Variants in CSMD1 observed in about 807,000 individuals in gnomAD.
CSMD1 encodes the protein CUB and sushi domain-containing protein 1.
In CSMD1, 213 loss-of-function variants were observed where a neutral mutation model predicts 417.5. The ratio of observed to expected loss-of-function variants is 0.51; its 90% confidence interval spans 0.46 to 0.57. The LOEUF is 0.57. Among genes scored for constraint, CSMD1 ranks in the 20% least tolerant of loss-of-function variants. The pLI is 0.00. For synonymous variants in CSMD1, 2,862 were observed against 1,736.8 expected (o/e 1.65, Z -16.11); for missense variants, 6,923 against 4,529.7 (o/e 1.53, Z -15.17).
At chr8:3,375,603 G>C (rs1337751631) in intron 18 of CSMD1, among the ~76,000 whole-genome samples, 1 of 151,830 alleles carries the variant, frequency 6.6e-6, no homozygotes, top group Non-Finnish European at 1.5e-5. Context: ...ATTTATAATA[G>C]AAACTTTCCA....
intron 10 of CSMD1, among the ~76,000 whole-genome samples, chr8:3,500,645 A>G (rs1293013755): frequency 6.6e-6 from 1 of 152,146 alleles, no homozygotes; most frequent in Non-Finnish European, 1.5e-5. Context: ...CCATAAAACT[A>G]AAGATCTTAA....
chr8:3,651,800 C>CAGA (rs1797870858), intron 7 of CSMD1, among the ~76,000 whole-genome samples: 1 of 150,876 alleles, frequency 6.6e-6, no homozygotes, highest in African/African-American at 2.4e-5. Context: ...CCACCACCAT[C>CAGA]GCACTTACCA....
rs192366660 is a variant in CSMD1 at position 3,023,273 on chromosome 8, T to C, written c.7856-4623A>G. On this transcript the variant is annotated intron_variant, in intron 51 of 69. Coordinates refer to ENST00000635120, the MANE Select transcript of CSMD1 (RefSeq NM_033225.6). Reference sequence around the variant, plus strand: ...CATGTTCTTTGAATATCTACAATATTACAAAATTCCAGTGTAGCTCACTGA... The same window carrying C: ...CATGTTCTTTGAATATCTACAATATCACAAAATTCCAGTGTAGCTCACTGA... 1.9e-3 allele frequency among the ~76,000 whole-genome samples: 287 copies of C among 152,320 alleles called. 1 individual carries two copies. The highest frequency in any genetic ancestry group is 6.4e-3 in the African/African-American group (265 of 41,572).
chr8:4,007,826 C>A (rs747357619), intron 4 of CSMD1, among the ~76,000 whole-genome samples: 13 of 152,022 alleles, frequency 8.6e-5, no homozygotes, highest in Non-Finnish European at 1.8e-4. Context: ...CGGAATCAAA[C>A]CATATCCTCT....
intron 1 of CSMD1, among the ~76,000 whole-genome samples, chr8:4,659,677 G>A (rs374335688): frequency 3.3e-5 from 5 of 152,102 alleles, no homozygotes; most frequent in African/African-American, 1.2e-4. Flanking sequence ...TGAGTATGGG[G>A]TTTCCTTTTT....
At chr8:3,133,041 T>C (rs1372553001) in intron 41 of CSMD1, among the ~76,000 whole-genome samples, 1 of 152,206 alleles carries the variant, frequency 6.6e-6, no homozygotes, top group African/African-American at 2.4e-5. Flanking sequence ...GCCTGTCCTA[T>C]GGATACACTG....
chr8:3,576,976 G>C (rs372191171), intron 9 of CSMD1, among the ~76,000 whole-genome samples: 1 of 152,186 alleles, frequency 6.6e-6, no homozygotes. Context: ...TAATTGTGAA[G>C]CAATGTAACC....
chr8:3,233,739 T>C (rs1172244031), intron 26 of CSMD1, among the ~76,000 whole-genome samples: 11 of 152,216 alleles, frequency 7.2e-5, no homozygotes, highest in Admixed American at 3.9e-4. Flanking sequence ...TTTTCACATT[T>C]GTACTTCTGT....
At chr8:3,472,697 C>T (rs940718738) in intron 11 of CSMD1, among the ~76,000 whole-genome samples, 4 of 151,972 alleles carry the variant, frequency 2.6e-5, no homozygotes, top group South Asian at 4.2e-4. Flanking sequence ...TGCCCTAAGT[C>T]GTCATCATTT....
intron 7 of CSMD1, among the ~76,000 whole-genome samples, chr8:3,666,217 GT>G (rs1798686499): frequency 6.6e-6 from 1 of 152,028 alleles, no homozygotes; most frequent in African/African-American, 2.4e-5. Context: ...TTTTCTCATT[GT>G]TTTCCCCACC....
At chr8:3,374,829 C>A (rs1434650128) in intron 18 of CSMD1, among the ~76,000 whole-genome samples, 1 of 152,156 alleles carries the variant, frequency 6.6e-6, no homozygotes, top group Non-Finnish European at 1.5e-5. Flanking sequence ...CTTCCCACCA[C>A]CCGCACCACC....
chr8:4,200,931 C>G (rs1453827295), intron 3 of CSMD1, among the ~76,000 whole-genome samples: 1 of 152,118 alleles, frequency 6.6e-6, no homozygotes, highest in African/African-American at 2.4e-5. Flanking sequence ...GCATTCATGT[C>G]TTTTCTAATC....
intron 5 of CSMD1, among the ~76,000 whole-genome samples, chr8:3,823,392 T>C (rs1038995577): frequency 1.3e-5 from 2 of 152,190 alleles, no homozygotes; most frequent in African/African-American, 4.8e-5. Context: ...TAAATACTGT[T>C]AGATTTCAAG....
intron 5 of CSMD1, among the ~76,000 whole-genome samples, chr8:3,794,071 C>T (rs751462637): frequency 4.5e-4 from 68 of 152,194 alleles, no homozygotes; most frequent in Non-Finnish European, 1.3e-4. Context: ...CCATCATTGG[C>T]TTCCCCTGAT....
intron 2 of CSMD1, among the ~76,000 whole-genome samples, chr8:4,575,055 T>C (rs931684727): frequency 2.0e-5 from 3 of 152,222 alleles, no homozygotes; most frequent in Admixed American, 2.0e-4. Context: ...TTTAAAAGTA[T>C]ACTTGTAATT....
chr8:4,816,968 C>A (rs533072815), intron 1 of CSMD1, among the ~76,000 whole-genome samples: 1 of 152,130 alleles, frequency 6.6e-6, no homozygotes, highest in Non-Finnish European at 1.5e-5. Context: ...TACCATTTAA[C>A]AGTAAAGAAA....
intron 3 of CSMD1, among the ~76,000 whole-genome samples, chr8:4,278,718 T>C (rs561979832): frequency 1.3e-5 from 2 of 152,216 alleles, no homozygotes; most frequent in Admixed American, 1.3e-4. Flanking sequence ...AGCTTGTAAC[T>C]TGCTGCCACT....
At chr8:3,564,300 T>C (rs1799600552) in intron 10 of CSMD1, among the ~76,000 whole-genome samples, 1 of 150,714 alleles carries the variant, frequency 6.6e-6, no homozygotes, top group African/African-American at 2.5e-5. Flanking sequence ...GAGTAAATCC[T>C]GTAAACTTTT....
Position 3,091,523 on chromosome 8 carries a change from G to T in CSMD1, c.7278C>A (p.Arg2426=), listed in dbSNP as rs936802418. 3 of 1,601,366 alleles carry T rather than the reference G, an allele frequency of 1.9e-6. No individual in the cohort carries two copies. The highest frequency in any genetic ancestry group is 1.8e-5 in the Admixed American group (1 of 56,228). The part of the protein sequence containing the change: ...HATSKKGFKI[R]YAAPYCSLTH... ...TAAACCTCATTTACTTACCTGCATA[G>T]CGAATCTTGAATCCTTTCTTACTGG... Residue 2426 remains arginine (R), a synonymous_variant, in exon 48 of 70, where the codon CGC becomes CGA. Transcript: ENST00000635120.
Sources: allele counts gnomAD v4.1 joint callset (sites outside exome capture counted in the v4.1 genomes callset), GRCh38; gene constraint gnomAD v4.1.1; transcripts MANE v1.5; gene names NCBI Gene and HGNC (gene_info 2026-07-23, HGNC 2026-07-21).